RBPMS: variants seen among roughly 807,000 people sequenced by gnomAD.
The protein encoded by RBPMS is RNA binding protein, mRNA processing factor, also known as RNA-binding protein with multiple splicing.
A neutral mutation model predicts 26.8 loss-of-function variants in RBPMS; 7 were observed. That is an observed-to-expected ratio of 0.26 (90% CI 0.15 to 0.49). The LOEUF (loss-of-function observed/expected upper bound fraction) is 0.49, where lower values mean the gene tolerates loss of function less well. RBPMS is among the 20% of genes least tolerant of loss of function. The pLI is 0.98. For synonymous variants in RBPMS, 96 were observed against 93.3 expected (o/e 1.03, Z -0.17); for missense variants, 186 against 250.0 (o/e 0.74, Z 1.73).
At chr8:30,482,996 G>T (rs533655617) in intron 4 of RBPMS, among the ~76,000 whole-genome samples, 2 of 152,146 alleles carry the variant, frequency 1.3e-5, no homozygotes, top group South Asian at 2.1e-4. Flanking sequence ...AGGAAGCAGC[G>T]CATGTTGAAG....
At chr8:30,455,567 G>A (rs1450945187) in intron 1 of RBPMS, among the ~76,000 whole-genome samples, 1 of 152,130 alleles carries the variant, frequency 6.6e-6, no homozygotes, top group East Asian at 1.9e-4. Flanking sequence ...GTAGAAGAGA[G>A]CCTTCTCTGG....
chr8:30,551,006 C>T (rs1164443048), intron 6 of RBPMS, among the ~76,000 whole-genome samples: 3 of 152,244 alleles, frequency 2.0e-5, no homozygotes, highest in African/African-American at 7.2e-5. Context: ...GCACTTTCTT[C>T]CCACAGTCCT....
chr8:30,520,890 AGTGGCTATAC>A (rs1290718261), intron 5 of RBPMS, among the ~76,000 whole-genome samples: 2 of 152,168 alleles, frequency 1.3e-5, no homozygotes, highest in African/African-American at 4.8e-5. Context: ...TGGGATTACT[AGTGGCTATAC>A]GTTGTTATTT....
At position 30,488,543 on chromosome 8, in the gene RBPMS, G is replaced by A. The variant is rs570515414; in HGVS notation, c.246+9166G>A. Among the ~76,000 whole-genome samples the A allele has an allele frequency of 6.6e-5, 10 of 152,272 alleles. No individual in the cohort carries two copies. The South Asian group carries it at 2.1e-3, about 32-fold the overall frequency. On this transcript the variant is annotated intron_variant, in intron 4 of 8. Coordinates refer to ENST00000397323, the MANE Select transcript of RBPMS (RefSeq NM_001008710.3). ...ACACCTCTTAGAATGCTCAATAAAT[G>A]AGTGACAAAATGAATGGAGGAAAGG...
At chr8:30,421,287 C>G (rs1281965491) in intron 1 of RBPMS, among the ~76,000 whole-genome samples, 1 of 152,110 alleles carries the variant, frequency 6.6e-6, no homozygotes, top group African/African-American at 2.4e-5. Flanking sequence ...ACATACTCAC[C>G]AGCTTCCTGG....
chr8:30,451,852 C>A (rs1814624443), intron 1 of RBPMS, among the ~76,000 whole-genome samples: 2 of 152,074 alleles, frequency 1.3e-5, no homozygotes, highest in South Asian at 4.1e-4. Flanking sequence ...GCAAATAGAA[C>A]AGTGTTATTC....
intron 1 of RBPMS, among the ~76,000 whole-genome samples, chr8:30,452,509 T>G (rs978528040): frequency 6.6e-6 from 1 of 152,100 alleles, no homozygotes; most frequent in Non-Finnish European, 1.5e-5. Context: ...GTAAGTATAT[T>G]TGTTATCTCT....
intron 5 of RBPMS, among the ~76,000 whole-genome samples, chr8:30,518,715 T>TTTTTTTTTTTTTC (rs1554533805): frequency 1.4e-4 from 18 of 129,976 alleles, no homozygotes; most frequent in African/African-American, 5.2e-4. Context: ...TTTTTTTTTT[T>TTTTTTTTTTTTTC]CTGAAAAGGA....
intron 4 of RBPMS, among the ~76,000 whole-genome samples, chr8:30,483,454 C>T (rs1420189252): frequency 6.6e-6 from 1 of 152,094 alleles, no homozygotes; most frequent in Non-Finnish European, 1.5e-5. Flanking sequence ...ACTCATTAAT[C>T]TAAGTGATCT....
At chr8:30,450,067 C>T (rs572596247) in intron 1 of RBPMS, among the ~76,000 whole-genome samples, 2 of 152,326 alleles carry the variant, frequency 1.3e-5, no homozygotes, top group East Asian at 1.9e-4. Context: ...AGATGGAAGG[C>T]AGGTTGCCGC....
intron 4 of RBPMS, among the ~76,000 whole-genome samples, chr8:30,490,482 C>G (rs1224796405): frequency 6.6e-6 from 1 of 151,384 alleles, no homozygotes; most frequent in Non-Finnish European, 1.5e-5. Flanking sequence ...TTTTTTGAGA[C>G]GGAGTCTCGC....
At chr8:30,519,473 T>C (rs1291193880) in intron 5 of RBPMS, among the ~76,000 whole-genome samples, 543 of 11,126 alleles carry the variant, frequency 0.049, 55 homozygotes, top group African/African-American at 0.13. Context: ...TTTTTTTTTT[T>C]TTTTTTTTTT....
intron 4 of RBPMS, among the ~76,000 whole-genome samples, chr8:30,502,697 G>A (rs1820687297): frequency 1.3e-5 from 2 of 152,136 alleles, no homozygotes; most frequent in African/African-American, 4.8e-5. Context: ...TCCATTCTTG[G>A]AAATATTAAT....
chr8:30,440,848 C>T (rs1232292976), intron 1 of RBPMS, among the ~76,000 whole-genome samples: 1 of 150,562 alleles, frequency 6.6e-6, no homozygotes, highest in East Asian at 1.9e-4. Context: ...GGGTGGGGTG[C>T]AGTGCCATGA....
chr8:30,509,381 C>T lies in RBPMS; in HGVS notation c.397+4945C>T, dbSNP rs183301706. On this transcript the variant is annotated intron_variant, in intron 5 of 8. Coordinates refer to ENST00000397323, the MANE Select transcript of RBPMS (RefSeq NM_001008710.3). ...TACTTCCTTGTTTACCTGCCATGTC[C>T]CTGGAAGTTCCCATTTATCCAGTAA... Among the ~76,000 whole-genome samples the T allele has an allele frequency of 1.7e-3, 261 of 152,218 alleles. 3 individuals are homozygous for T. Among genetic ancestry groups the T allele is most frequent in the East Asian group, 0.015 (78 of 5,180 alleles).
intron 1 of RBPMS, among the ~76,000 whole-genome samples, chr8:30,445,611 A>G (rs1813636456): frequency 7.3e-6 from 1 of 136,666 alleles, no homozygotes; most frequent in Non-Finnish European, 1.6e-5. Flanking sequence ...TCTTTAGTCT[A>G]TTACATGTAT....
chr8:30,518,201 C>A (rs928351220), intron 5 of RBPMS, among the ~76,000 whole-genome samples: 2 of 151,794 alleles, frequency 1.3e-5, no homozygotes, highest in African/African-American at 2.4e-5. Flanking sequence ...TTGTTTAAAA[C>A]GACTTACATT....
intron 1 of RBPMS, among the ~76,000 whole-genome samples, chr8:30,466,152 C>A (rs776559662): frequency 4.6e-5 from 7 of 152,182 alleles, no homozygotes; most frequent in Non-Finnish European, 8.8e-5. Flanking sequence ...CTGTCACTTA[C>A]AGCAAATACT....
intron 5 of RBPMS, among the ~76,000 whole-genome samples, chr8:30,538,743 C>T (rs1415977442): frequency 6.6e-6 from 1 of 152,104 alleles, no homozygotes; most frequent in Non-Finnish European, 1.5e-5. Context: ...GTGTTGGATC[C>T]TCTGGAGGCT....
Sources: allele counts gnomAD v4.1 joint callset (sites outside exome capture counted in the v4.1 genomes callset), GRCh38; gene constraint gnomAD v4.1.1; transcripts MANE v1.5; gene names NCBI Gene and HGNC (gene_info 2026-07-23, HGNC 2026-07-21).